Variants in LRRC9 observed in about 807,000 individuals in gnomAD.
LRRC9 encodes leucine rich repeat containing 9, also known as leucine-rich repeat-containing protein 9.
A neutral mutation model predicts 63.2 loss-of-function variants in LRRC9; 122 were observed. The observed-to-expected ratio is 1.93, with a 90% CI of 1.67 to 2.24. LRRC9 has a LOEUF of 2.24. Ranked by LOEUF, LRRC9 falls within the 30% of genes most tolerant of loss-of-function variation. LRRC9 has a pLI of 0.00. For missense variants in LRRC9, 1,071 were observed against 627.7 expected (o/e 1.71, Z -7.55); for synonymous variants, 366 against 213.1 (o/e 1.72, Z -6.25).
intron 15 of LRRC9, among the ~76,000 whole-genome samples, chr14:59,978,973 A>G (rs915688872): frequency 2.0e-5 from 3 of 152,228 alleles, no homozygotes; most frequent in African/African-American, 4.8e-5. Context: ...TGGGCAAAAA[A>G]CATTATATTT....
At chr14:59,969,205 T>C (rs187038806) in intron 12 of LRRC9, 2 of 152,326 alleles carry the variant, frequency 1.3e-5, no homozygotes, top group Admixed American at 6.5e-5. Context: ...TTTGACACTA[T>C]TGGTTGCCTT....
At chr14:59,929,195 C>T (rs910899460) in intron 3 of LRRC9, among the ~76,000 whole-genome samples, 2 of 151,810 alleles carry the variant, frequency 1.3e-5, no homozygotes, top group Non-Finnish European at 1.5e-5. Context: ...TAATACCCAG[C>T]ATCTATAAGG....
At chr14:60,020,048 T>G (rs1277273208) in intron 26 of LRRC9, among the ~76,000 whole-genome samples, 1 of 151,864 alleles carries the variant, frequency 6.6e-6, no homozygotes, top group African/African-American at 2.4e-5. Flanking sequence ...TATTCAATCA[T>G]AAAACCTCTA....
intron 30 of LRRC9, among the ~76,000 whole-genome samples, chr14:60,056,854 A>G (rs1894320145): frequency 6.6e-6 from 1 of 152,194 alleles, no homozygotes; most frequent in Non-Finnish European, 1.5e-5. Context: ...TCTTTGTCTT[A>G]GTTGCTACTG....
chr14:60,008,229 G>A lies in LRRC9; in HGVS notation c.3186+15G>A. ...GGATACCAATTGTAAGTTGATTTAT[G>A]ACTCACAACATTTGGTCTAAGCTGC... On this transcript the variant is annotated intron_variant, in intron 23 of 31. Transcript: ENST00000445360. 1.4e-6 allele frequency: 1 copy of A among 694,982 alleles called. No individual in the cohort carries two copies. The highest frequency in any genetic ancestry group is 1.5e-5 in the South Asian group (1 of 66,230). 43.1% of individuals were successfully genotyped at this position (694,982 alleles called of 1,614,324 possible).
In LRRC9 at chr14:59,986,228, C is replaced by T. The variant is rs1412086963; in HGVS notation, c.2211+1004C>T. Among the ~76,000 whole-genome samples the T allele has an allele frequency of 1.3e-5, 2 of 152,122 alleles. No homozygotes were observed. The highest frequency in any genetic ancestry group is 2.9e-5 in the Non-Finnish European group (2 of 67,998). ...TTTTATTTTGTTATACATCATATAA[C>T]AAAAATAATTACATATGTGGTTCCA... On this transcript the variant is annotated intron_variant, in intron 17 of 31. Transcript: ENST00000445360. This position sits in a 1 kb window ranked among gnomAD's most constrained non-coding sequence, Gnocchi z 4.7.
intron 29 of LRRC9, among the ~76,000 whole-genome samples, chr14:60,049,161 T>C: frequency 6.6e-6 from 1 of 152,148 alleles, no homozygotes; most frequent in Non-Finnish European, 1.5e-5. Context: ...TATATTACAA[T>C]CTCCCAACCA....
At chr14:59,920,385 G>A (rs1299015612) in intron 1 of LRRC9, 112 bp downstream of exon 1, 1 of 152,234 alleles carries the variant, frequency 6.6e-6, no homozygotes, top group Admixed American at 6.6e-5. Flanking sequence ...GCAAAGTTGA[G>A]GTCAAGGGAA....
intron 7 of LRRC9, among the ~76,000 whole-genome samples, chr14:59,940,931 A>G (rs1204307134): frequency 6.6e-6 from 1 of 152,058 alleles, no homozygotes; most frequent in Non-Finnish European, 1.5e-5. Context: ...TGACTTTGAC[A>G]TTAGTTTTTT....
chr14:59,927,799 G>A lies in LRRC9; in HGVS notation c.-33-112G>A. 1 of 487,438 alleles carries A rather than the reference G, an allele frequency of 2.1e-6. No individual in the cohort carries two copies. The highest frequency in any genetic ancestry group is 3.4e-5 in the South Asian group (1 of 29,378). 30.2% of individuals were successfully genotyped at this position (487,438 alleles called of 1,614,324 possible). On this transcript the variant is annotated intron_variant, in intron 1 of 31. Coordinates refer to ENST00000445360, the Ensembl canonical transcript of LRRC9. The surrounding 1 kb of genome is among the most constrained non-coding windows in gnomAD (Gnocchi z 4.4). ...ACAGATACTTGGTAATATACTATGT[G>A]AAGATTTCAAACTACAGTTGGGTGG...
chr14:60,062,052 C>T (rs1026522311), intron 31 of LRRC9: 36 of 398,724 alleles, frequency 9.0e-5, no homozygotes, highest in African/African-American at 5.5e-4. Context: ...AAATAATCCT[C>T]GGAGCATCCA....
At chr14:59,972,998 T>G (rs915589101) in intron 12 of LRRC9, among the ~76,000 whole-genome samples, 1 of 152,126 alleles carries the variant, frequency 6.6e-6, no homozygotes, top group African/African-American at 2.4e-5. Context: ...TTTCTACTAG[T>G]TCTTAAGAGC....
At position 60,003,520 on chromosome 14, in the gene LRRC9, T is replaced by C. The variant is rs2140216918; in HGVS notation, c.2665-101T>C. 1 of 558,390 alleles carries C rather than the reference T, an allele frequency of 1.8e-6. No homozygotes were observed. The highest frequency in any genetic ancestry group is 3.4e-5 in the Admixed American group (1 of 29,438). The allele number at this position is 558,390 out of a possible 1,614,324, so 34.6% of individuals were successfully genotyped here. ...CCTGAAGGAATTCTTTTGATATCTATTTATCACATTTGAATTATTTCATTA... is the reference window on the plus strand; with the variant it reads ...CCTGAAGGAATTCTTTTGATATCTACTTATCACATTTGAATTATTTCATTA... On this transcript the variant is annotated intron_variant, in intron 20 of 31. Transcript: ENST00000445360. This position sits in a 1 kb window ranked among gnomAD's most constrained non-coding sequence, Gnocchi z 4.2.
intron 22 of LRRC9, 90 bp downstream of exon 22, chr14:60,006,707 G>A: frequency 2.4e-5 from 12 of 507,760 alleles, no homozygotes; most frequent in South Asian, 3.3e-5. Flanking sequence ...CACAGAATTT[G>A]GAAAATATAA....
chr14:60,005,367 C>T (rs947395483), intron 21 of LRRC9, among the ~76,000 whole-genome samples: 1 of 152,048 alleles, frequency 6.6e-6, no homozygotes, highest in African/African-American at 2.4e-5. Flanking sequence ...TTTGTACATA[C>T]AATTAAAAAC....
At position 59,927,969 on chromosome 14, in the gene LRRC9, A is replaced by G. The variant is rs1889352226; in HGVS notation, c.26A>G (p.Gln9Arg). 2 of 685,854 alleles carry G rather than the reference A, an allele frequency of 2.9e-6. No individual in the cohort carries two copies. The highest frequency in any genetic ancestry group is 1.8e-5 in the African/African-American group (1 of 56,340). The allele number at this position is 685,854 out of a possible 1,614,324, so 42.5% of individuals were successfully genotyped here. The change falls in exon 2 of 32, where the codon CAA becomes CGA. Residue 9 changes from glutamine to arginine, a missense_variant. Transcript: ENST00000445360. This position sits in a 1 kb window ranked among gnomAD's most constrained non-coding sequence, Gnocchi z 4.4. ...ATGATTGAAAGTGAAAACCTAAACC[A>G]AGAAGAAATAATTAAAGAACTGGTG... is the stretch of plus-strand genomic sequence containing the variant.
chr14:59,999,030 T>A, intron 18 of LRRC9, 71 bp from the exon 19 acceptor site: 4 of 557,490 alleles, frequency 7.2e-6, no homozygotes, highest in East Asian at 2.9e-5. Flanking sequence ...TGGAAAGACA[T>A]GAAAACAGTC....
intron 25 of LRRC9, 73 bp downstream of exon 25, chr14:60,018,552 T>C: frequency 1.7e-6 from 1 of 583,584 alleles, no homozygotes; most frequent in Non-Finnish European, 3.1e-6. Flanking sequence ...GATTAAATGG[T>C]ATTTCCATGT....
At position 60,016,503 on chromosome 14, in the gene LRRC9, G is replaced by A. The variant is rs956695805; in HGVS notation, c.3187-157G>A. Among the ~76,000 whole-genome samples the A allele has an allele frequency of 2.6e-5, 4 of 152,212 alleles. No homozygotes were observed. In the South Asian group the frequency reaches 8.3e-4, roughly 32 times the overall value. ...TTATAGGCATTAGCCACCTTGCCCT[G>A]CCTATGTTTGTTTCATATATAATGC... On this transcript the variant is annotated intron_variant, in intron 23 of 31. Coordinates refer to ENST00000445360, the Ensembl canonical transcript of LRRC9.
Sources: gnomAD v4.1 joint callset for allele counts (sites outside exome capture counted in the v4.1 genomes callset) on GRCh38, gnomAD v4.1.1 for gene constraint, Gnocchi (gnomAD v3.1) non-coding constraint, MANE v1.5 for transcripts, NCBI Gene and HGNC (gene_info 2026-07-23, HGNC 2026-07-21) for gene names.